SYNE1: variants seen among roughly 807,000 people sequenced by gnomAD.
SYNE1 encodes the protein nesprin-1.
In SYNE1, 616 loss-of-function variants were observed where a neutral mutation model predicts 1,111.0. That is an observed-to-expected ratio of 0.55 (90% CI 0.52 to 0.59). SYNE1 has a LOEUF of 0.59. Ranked by LOEUF, SYNE1 falls within the 20% of genes least tolerant of loss-of-function variation. The pLI is 0.00. For synonymous variants in SYNE1, 3,855 were observed against 3,825.8 expected (o/e 1.01, Z -0.28); for missense variants, 10,006 against 10,417.0 (o/e 0.96, Z 1.72).
chr6:152,189,937 T>C (rs2071736904), intron 127 of SYNE1, among the ~76,000 whole-genome samples: 1 of 152,202 alleles, frequency 6.6e-6, no homozygotes. Flanking sequence ...AGTTTCCTTG[T>C]AGCATGTGAT....
rs763638514 is a variant in SYNE1, at chr6:152,325,231, C to T, written c.15510G>A (p.Glu5170=). The T allele has an allele frequency of 9.3e-6, 15 of 1,614,160 alleles. No individual in the cohort carries two copies. The African/African-American group carries it at 1.6e-4, about 17-fold the overall frequency. ...CTTTGCTGGCATCATTTCCGGTTTT[C>T]TCCAGTTGTGAAGCTTTTTCCTCAA... ...VALEEKASQL[E]KTGNDASKAT... Residue 5170 remains glutamate (E), a synonymous_variant, in exon 81 of 146, where the codon GAG becomes GAA. Transcript: ENST00000367255.
chr6:152,525,929 A>C, intron 5 of SYNE1, 151 bp downstream of exon 5: 2 of 710,348 alleles, frequency 2.8e-6, no homozygotes, highest in Non-Finnish European at 5.0e-6. Context: ...ACCTAGAAGT[A>C]GAAGTGCCAG....
chr6:152,176,431 C>G lies in SYNE1; in HGVS notation c.23590G>C (p.Asp7864His), dbSNP rs760076679. Reference protein sequence around the residue: ...EIEYKLGKVNDRWQHLLDLIA... With the variant: ...EIEYKLGKVNHRWQHLLDLIA... ...AGGTCCAGGAGATGCTGCCACCGGT[C>G]GTTGACCTTTCCCAGCTTGTATTCA... The change falls in exon 130 of 146, where the codon GAC (aspartate) becomes CAC (histidine). Residue 7864 changes from aspartate (D) to histidine (H), a missense_variant. By Grantham distance (81) the Asp-to-His change is moderately conservative (BLOSUM62 -1). This residue lies in a region of SYNE1 where 2,182 missense variants were observed against 2,287.8 expected (regional missense o/e 0.95). Transcript: ENST00000367255. The G allele has an allele frequency of 7.4e-6, 12 of 1,614,154 alleles. No homozygotes were observed. Among genetic ancestry groups the G allele is most frequent in the South Asian group, 1.1e-5 (1 of 91,058 alleles).
rs567034250 is a variant in SYNE1 at position 152,552,269 on chromosome 6, C to T, written c.68-12248G>A. Among the ~76,000 whole-genome samples, 7 of 152,182 alleles carry T rather than the reference C, an allele frequency of 4.6e-5. No individual in the cohort carries two copies. In the East Asian group the frequency reaches 1.4e-3, roughly 29 times the overall value. ...GAGTGCTTTCAAAGTTTGGTCGTTG[C>T]TTTTCATCAAATTACTGCTCTTTAT... On this transcript the variant is annotated intron_variant, in intron 3 of 145. Transcript: ENST00000367255.
rs755879204 is a variant in SYNE1, at chr6:152,399,821, A to C, written c.7032T>G (p.Asp2344Glu). The change falls in exon 48 of 146, where the codon GAT becomes GAG. Residue 2344 changes from aspartate (D) to glutamate (E), a missense_variant and splice_region_variant. This residue lies in a region of SYNE1 where 4,955 missense variants were observed against 5,017.2 expected (regional missense o/e 0.99). Coordinates refer to ENST00000367255, the MANE Select transcript of SYNE1 (RefSeq NM_182961.4). Reference sequence around the variant, plus strand: ...GTTGACTTTGAAGTTCTTTTTGTATATCCTACAGAATAAAAGTATATTATG... The same window carrying C: ...GTTGACTTTGAAGTTCTTTTTGTATCTCCTACAGAATAAAAGTATATTATG... ...ETCEALKKVK[D>E]IQKELQSQQS... The C allele has an allele frequency of 6.2e-7, 1 of 1,613,666 alleles. No individual in the cohort carries two copies. Among genetic ancestry groups the C allele is most frequent in the African/African-American group, 1.3e-5 (1 of 74,904 alleles).
intron 3 of SYNE1, among the ~76,000 whole-genome samples, chr6:152,609,538 G>A (rs983766921): frequency 9.2e-5 from 14 of 152,316 alleles, no homozygotes; most frequent in East Asian, 3.9e-4. Context: ...ACCTCTGTGG[G>A]CAGGGCATAG....
chr6:152,159,840 A>G (rs2062091875), intron 131 of SYNE1, among the ~76,000 whole-genome samples: 1 of 152,164 alleles, frequency 6.6e-6, no homozygotes, highest in African/African-American at 2.4e-5. Flanking sequence ...TGATTTGTCC[A>G]TACTTTATGA....
At chr6:152,581,182 C>T (rs754414347) in intron 3 of SYNE1, among the ~76,000 whole-genome samples, 6 of 152,298 alleles carry the variant, frequency 3.9e-5, no homozygotes, top group Middle Eastern at 3.4e-3. Context: ...TCTGAATTCC[C>T]GGTGAAGTGC....
intron 91 of SYNE1, among the ~76,000 whole-genome samples, chr6:152,303,548 T>G: frequency 6.6e-6 from 1 of 151,976 alleles, no homozygotes; most frequent in African/African-American, 2.4e-5. Context: ...TAGTCATCCC[T>G]CAGTAACTGA....
chr6:152,345,312 G>A (rs1422721626), intron 73 of SYNE1, among the ~76,000 whole-genome samples: 4 of 152,206 alleles, frequency 2.6e-5, no homozygotes, highest in Non-Finnish European at 1.5e-5. Context: ...TCTGTTGAAT[G>A]AGTGAACGAA....
chr6:152,199,646 T>G (rs2074984818), intron 127 of SYNE1, among the ~76,000 whole-genome samples: 1 of 152,236 alleles, frequency 6.6e-6, no homozygotes, highest in Non-Finnish European at 1.5e-5. Context: ...GTTTTGTGTA[T>G]AAATAGAGTA....
At chr6:152,150,663 A>G (rs971648940) in intron 135 of SYNE1, among the ~76,000 whole-genome samples, 4 of 152,220 alleles carry the variant, frequency 2.6e-5, no homozygotes, top group Non-Finnish European at 5.9e-5. Context: ...GAAAACACTC[A>G]ATTTGTTAAA....
chr6:152,271,236 TC>T (rs549020073), intron 98 of SYNE1, among the ~76,000 whole-genome samples: 3 of 152,218 alleles, frequency 2.0e-5, no homozygotes, highest in African/African-American at 4.8e-5. Context: ...TTCTGTTTCT[TC>T]TTTTTTTCAT....
chr6:152,573,633 C>T (rs2099482417), intron 3 of SYNE1, among the ~76,000 whole-genome samples: 1 of 152,092 alleles, frequency 6.6e-6, no homozygotes, highest in Non-Finnish European at 1.5e-5. Flanking sequence ...AACCTATCTT[C>T]AAGAAATGTC....
chr6:152,391,585 A>AAAAAAG lies in SYNE1; in HGVS notation c.7713-18_7713-17insCTTTTT, dbSNP rs1554611398. On this transcript the variant is annotated splice_polypyrimidine_tract_variant and intron_variant, in intron 51 of 145. Transcript: ENST00000367255. ...AGAGACTCTCTGAAAAAAAGGAAAA[A>AAAAAAG]AAAAAAAAAGAAAAAAAATTAATTC... 1.7e-5 allele frequency: 27 copies of AAAAAAG among 1,565,876 alleles called. 1 individual carries two copies. The African/African-American group carries it at 2.9e-4, about 17-fold the overall frequency.
chr6:152,564,491 A>G (rs1000934647), intron 3 of SYNE1, among the ~76,000 whole-genome samples: 1 of 151,870 alleles, frequency 6.6e-6, no homozygotes, highest in African/African-American at 2.4e-5. Flanking sequence ...TAATTTTTGT[A>G]TTTTTTGTAG....
Position 152,313,526 on chromosome 6 carries a change from G to C in SYNE1, c.16711-2653C>G, listed in dbSNP as rs994680033. On this transcript the variant is annotated intron_variant, in intron 87 of 145. Transcript: ENST00000367255. ...TGGCCAGGCTGGAGTGCAATGGCGC[G>C]ATCTAAGCTCACTGCAACGGCTGCC... Among the ~76,000 whole-genome samples the C allele has an allele frequency of 3.4e-5, 5 of 149,158 alleles. No homozygotes were observed. The East Asian group carries it at 9.9e-4, about 29-fold the overall frequency.
At chr6:152,235,866 C>T (rs554894024) in intron 110 of SYNE1, among the ~76,000 whole-genome samples, 1 of 152,228 alleles carries the variant, frequency 6.6e-6, no homozygotes, top group South Asian at 2.1e-4. Flanking sequence ...TTCAGCCTCT[C>T]CAATAGCAGG....
chr6:152,306,599 G>A (rs922443158), intron 91 of SYNE1, among the ~76,000 whole-genome samples: 1 of 151,680 alleles, frequency 6.6e-6, no homozygotes, highest in Non-Finnish European at 1.5e-5. Context: ...AAGCTGGCTG[G>A]GCATGGTGAC....
Sources: allele counts gnomAD v4.1 joint callset (sites outside exome capture counted in the v4.1 genomes callset), GRCh38; gene constraint gnomAD v4.1.1; regional missense constraint gnomAD v4.1.1; transcripts MANE v1.5; gene names NCBI Gene and HGNC (gene_info 2026-07-23, HGNC 2026-07-21).